The following ASPH variants were observed in gnomAD, a reference collection of about 807,000 sequenced individuals.
ASPH encodes aspartyl/asparaginyl beta-hydroxylase.
ASPH carries 100 observed loss-of-function variants against 118.4 expected under a neutral mutation model. The ratio of observed to expected loss-of-function variants is 0.84; its 90% confidence interval spans 0.72 to 1.00. The LOEUF is 1.00. ASPH is among the 50% of genes least tolerant of loss of function. The pLI is 0.00. For synonymous variants in ASPH, 315 were observed against 325.6 expected, an observed-to-expected ratio of 0.97 and a Z score of 0.35; for missense variants, 920 against 919.5, an observed-to-expected ratio of 1.00 and a Z score of -0.01.
chr8:61,595,151 G>A (rs1324191761), intron 14 of ASPH, among the ~76,000 whole-genome samples: 1 of 152,168 alleles, frequency 6.6e-6, no homozygotes, highest in Non-Finnish European at 1.5e-5. Flanking sequence ...TTCTCCATAT[G>A]CTATAAGAAT....
intron 21 of ASPH, among the ~76,000 whole-genome samples, chr8:61,545,435 G>A (rs1247825699): frequency 6.6e-6 from 1 of 152,198 alleles, no homozygotes; most frequent in Non-Finnish European, 1.5e-5. Context: ...CTAAGACACT[G>A]ACCAAAACTG....
In ASPH at chr8:61,640,317, A is replaced by G. The variant is rs575945413; in HGVS notation, c.791-1954T>C. On this transcript the variant is annotated intron_variant, in intron 10 of 24. Coordinates refer to ENST00000379454, the MANE Select transcript of ASPH (RefSeq NM_004318.4). ...AGTCTGTTTGTTGCATGCCAGACCG[A>G]TCAATCTTTTCAAAATGCAGATCTG... 1.4e-4 allele frequency among the ~76,000 whole-genome samples: 22 copies of G among 152,284 alleles called. No homozygotes were observed. In the South Asian group the frequency reaches 4.1e-3, roughly 29 times the overall value.
chr8:61,614,906 G>A lies in ASPH; in HGVS notation c.976+4072C>T, dbSNP rs185012989. 3.9e-5 allele frequency among the ~76,000 whole-genome samples: 6 copies of A among 152,112 alleles called. No individual in the cohort carries two copies. The East Asian group carries it at 5.8e-4, about 15-fold the overall frequency. On this transcript the variant is annotated intron_variant, in intron 14 of 24. Coordinates refer to ENST00000379454, the MANE Select transcript of ASPH (RefSeq NM_004318.4). ...GCACTCACCACTTCTACTCTACATC[G>A]TAATCCTGGTCATCATCATGTCTTG...
intron 3 of ASPH, among the ~76,000 whole-genome samples, chr8:61,667,419 T>A (rs900588403): frequency 6.6e-6 from 1 of 152,052 alleles, no homozygotes; most frequent in Non-Finnish European, 1.5e-5. Context: ...CAGGCTGGAG[T>A]GCAATGGCAC....
At chr8:61,606,155 G>C (rs1845520725) in intron 14 of ASPH, among the ~76,000 whole-genome samples, 1 of 152,152 alleles carries the variant, frequency 6.6e-6, no homozygotes, top group Non-Finnish European at 1.5e-5. Flanking sequence ...GCAGTTAAAA[G>C]GCAAAGACGC....
At chr8:61,554,449 A>C (rs1586981177) in intron 19 of ASPH, among the ~76,000 whole-genome samples, 2 of 152,370 alleles carry the variant, frequency 1.3e-5, no homozygotes, top group Admixed American at 1.3e-4. Context: ...TGAAAGAAAG[A>C]GATCATAAAA....
chr8:61,649,793 C>T (rs181521746), intron 5 of ASPH, among the ~76,000 whole-genome samples: 89 of 152,240 alleles, frequency 5.8e-4, no homozygotes, highest in Non-Finnish European at 1.1e-3. Flanking sequence ...TCTTGCATCC[C>T]CCCATGCATT....
chr8:61,597,213 A>AC (rs1049851184), intron 14 of ASPH, among the ~76,000 whole-genome samples: 6 of 151,056 alleles, frequency 4.0e-5, no homozygotes, highest in African/African-American at 1.2e-4. Context: ...AAAAAAAAAA[A>AC]AACAATGAAG....
At chr8:61,677,154 A>G (rs1825805699) in intron 3 of ASPH, among the ~76,000 whole-genome samples, 1 of 152,162 alleles carries the variant, frequency 6.6e-6, no homozygotes, top group Non-Finnish European at 1.5e-5. Flanking sequence ...GGCCTGTGAA[A>G]TTAGCTTCTA....
intron 3 of ASPH, among the ~76,000 whole-genome samples, chr8:61,669,703 G>GCTATGT (rs1386599493): frequency 7.2e-5 from 11 of 152,156 alleles, no homozygotes; most frequent in African/African-American, 2.4e-4. Flanking sequence ...TTCTAGTACC[G>GCTATGT]CTATGTTCCC....
intron 3 of ASPH, 64 bp downstream of exon 3, chr8:61,680,904 A>C (rs1827727042): frequency 1.2e-5 from 17 of 1,389,228 alleles, no homozygotes; most frequent in Non-Finnish European, 1.7e-5. Context: ...GATATTATTA[A>C]AGCAAAAATA....
intron 22 of ASPH, among the ~76,000 whole-genome samples, chr8:61,524,645 A>C (rs914425200): frequency 1.2e-4 from 19 of 152,254 alleles, no homozygotes; most frequent in African/African-American, 3.6e-4. Flanking sequence ...AAAATGTAGA[A>C]GACAAAATGT....
chr8:61,582,641 G>A lies in ASPH; in HGVS notation c.1062+1303C>T, dbSNP rs1410259743. ...TTTTTATTGGCAAACCTTGGCTTTG[G>A]AGCCTCACCTAATGCCAGTTCCAAA... On this transcript the variant is annotated intron_variant, in intron 15 of 24. Transcript: ENST00000379454. 3.3e-5 allele frequency among the ~76,000 whole-genome samples: 5 copies of A among 152,284 alleles called. No homozygotes were observed. In the South Asian group the frequency reaches 8.3e-4, roughly 25 times the overall value.
intron 13 of ASPH, among the ~76,000 whole-genome samples, chr8:61,631,329 C>A (rs1420989876): frequency 6.6e-6 from 1 of 152,180 alleles, no homozygotes; most frequent in African/African-American, 2.4e-5. Flanking sequence ...TCACTCAGAG[C>A]AAATTCCAGT....
At chr8:61,590,906 C>A (rs573151951) in intron 14 of ASPH, among the ~76,000 whole-genome samples, 1 of 152,154 alleles carries the variant, frequency 6.6e-6, no homozygotes, top group Admixed American at 6.5e-5. Context: ...AAGTTTAAGG[C>A]ATCTTTAGGC....
intron 6 of ASPH, 91 bp from the exon 7 acceptor site, chr8:61,644,723 T>C: frequency 1.0e-6 from 1 of 955,556 alleles, no homozygotes; most frequent in South Asian, 2.5e-5. Flanking sequence ...ATGCTTATCA[T>C]TAATTTTATT....
chr8:61,706,596 A>G (rs1311776668), intron 1 of ASPH, among the ~76,000 whole-genome samples: 1 of 152,180 alleles, frequency 6.6e-6, no homozygotes, highest in Non-Finnish European at 1.5e-5. Flanking sequence ...ATTGTTCTAT[A>G]GATTCAATAC....
At chr8:61,564,049 G>T (rs764629205) in intron 17 of ASPH, among the ~76,000 whole-genome samples, 3 of 152,196 alleles carry the variant, frequency 2.0e-5, no homozygotes, top group Admixed American at 6.5e-5. Flanking sequence ...GGAAGAGGCA[G>T]TCACCTTCCC....
At chr8:61,584,085 A>T in intron 14 of ASPH, 56 bp from the exon 15 acceptor site, 1 of 1,128,152 alleles carries the variant, frequency 8.9e-7, no homozygotes, top group Non-Finnish European at 1.3e-6. Flanking sequence ...AATAGTTATT[A>T]AGCATAACAA....
Sources: allele counts gnomAD v4.1 joint callset (sites outside exome capture counted in the v4.1 genomes callset), GRCh38; gene constraint gnomAD v4.1.1; transcripts MANE v1.5; gene names NCBI Gene and HGNC (gene_info 2026-07-23, HGNC 2026-07-21).